The following TENM1 variants were observed in gnomAD, a reference collection of about 807,000 sequenced individuals.
TENM1 encodes the protein teneurin transmembrane protein 1.
In TENM1, 35 loss-of-function variants were observed where a neutral mutation model predicts 174.8. That is an observed-to-expected ratio of 0.20 (90% CI 0.15 to 0.27). The LOEUF (loss-of-function observed/expected upper bound fraction) is 0.27. Ranked by LOEUF, TENM1 falls within the 10% of genes least tolerant of loss-of-function variation. The probability of loss-of-function intolerance (pLI) is 1.00; values close to 1 mark genes in which losing one functional copy is unlikely to be tolerated. For synonymous variants in TENM1, 781 were observed against 798.7 expected (o/e 0.98, Z 0.37); for missense variants, 1,633 against 2,130.1 (o/e 0.77, Z 4.59).
chrX:124,607,287 T>C (rs1305544774), intron 11 of TENM1, among the ~76,000 whole-genome samples: 3 of 110,861 alleles, frequency 2.7e-5, no homozygotes, highest in African/African-American at 9.8e-5. Flanking sequence ...GTGGTAATAA[T>C]GGCTCTGAAG....
At chrX:124,794,932 A>T (rs57540029) in intron 3 of TENM1, among the ~76,000 whole-genome samples, 1,390 of 111,023 alleles carry the variant, frequency 0.013, 31 homozygotes, top group African/African-American at 0.043. Context: ...CTCACCATCC[A>T]TTGAATGATT....
intron 22 of TENM1, among the ~76,000 whole-genome samples, chrX:124,456,862 C>T (rs1277061032): frequency 3.6e-5 from 4 of 111,756 alleles, no homozygotes; most frequent in Non-Finnish European, 5.6e-5. Context: ...TTTGTTCCAA[C>T]GGTCATGTTC....
At chrX:124,751,738 G>A (rs1381961962) in intron 3 of TENM1, among the ~76,000 whole-genome samples, 3 of 100,125 alleles carry the variant, frequency 3.0e-5, no homozygotes, top group South Asian at 5.0e-4. Context: ...GAGAACATGC[G>A]GTGTTTGGTT....
At chrX:124,840,152 C>T (rs1206426220) in intron 3 of TENM1, among the ~76,000 whole-genome samples, 4 of 111,389 alleles carry the variant, frequency 3.6e-5, no homozygotes, top group Admixed American at 2.9e-4. Context: ...AGATGCCCAC[C>T]ATTAGATAAA....
In TENM1 at chrX:124,747,363, GA is replaced by G. The variant is rs763264537; in HGVS notation, c.536-10167del. Among the ~76,000 whole-genome samples, 10 of 102,982 alleles carry G rather than the reference GA, an allele frequency of 9.7e-5. No individual in the cohort carries two copies. The South Asian group carries it at 4.6e-3, about 47-fold the overall frequency. The allele number at this position is 102,982 out of a possible 115,157, so 89.4% of individuals were successfully genotyped here. Reference sequence around the variant, plus strand: ...AGAGAGTCAGCTTGCATAAACAGAAGAAAAAAATGAGAACACATGTTAATGA... The same window carrying G: ...AGAGAGTCAGCTTGCATAAACAGAAGAAAAAATGAGAACACATGTTAATGA... On this transcript the variant is annotated intron_variant, in intron 3 of 31. Coordinates refer to ENST00000422452, the Ensembl canonical transcript of TENM1.
At chrX:124,930,530 A>G (rs897597337) in intron 1 of TENM1, among the ~76,000 whole-genome samples, 1 of 111,603 alleles carries the variant, frequency 9.0e-6, no homozygotes, top group African/African-American at 3.3e-5. Context: ...TACATCTGAC[A>G]TCTTCAACAT....
At chrX:124,802,505 T>C (rs945927626) in intron 3 of TENM1, among the ~76,000 whole-genome samples, 1 of 111,189 alleles carries the variant, frequency 9.0e-6, no homozygotes, top group African/African-American at 3.3e-5. Context: ...TCTCTGACCT[T>C]GGGGGGCACC....
chrX:124,752,710 T>C (rs1004607507), intron 3 of TENM1, among the ~76,000 whole-genome samples: 1 of 111,652 alleles, frequency 9.0e-6, no homozygotes, highest in African/African-American at 3.3e-5. Flanking sequence ...TTTCTACATA[T>C]GGCTAGCCAG....
At chrX:124,704,931 A>G in intron 5 of TENM1, 82 bp downstream of exon 8, 1 of 737,544 alleles carries the variant, frequency 1.4e-6, no homozygotes, top group Non-Finnish European at 2.0e-6. Flanking sequence ...GCCAGAATCG[A>G]GAGAAAAACC....
intron 1 of TENM1, among the ~76,000 whole-genome samples, chrX:124,917,372 G>C (rs1019631136): frequency 1.8e-5 from 2 of 111,735 alleles, no homozygotes; most frequent in Non-Finnish European, 3.8e-5. Context: ...ACCATTCACT[G>C]TCGGAGTTCT....
At chrX:124,820,095 T>C (rs968327611) in intron 3 of TENM1, among the ~76,000 whole-genome samples, 1 of 111,167 alleles carries the variant, frequency 9.0e-6, no homozygotes, top group African/African-American at 3.3e-5. Context: ...CGCCTGGCTC[T>C]GTTCCCTTTT....
intron 1 of TENM1, among the ~76,000 whole-genome samples, chrX:124,936,362 G>A (rs1034311705): frequency 1.3e-4 from 14 of 111,296 alleles, no homozygotes; most frequent in African/African-American, 3.9e-4. Context: ...CACATGCTCC[G>A]CTCTTCCTTA....
At chrX:124,843,670 T>C (rs911024429) in intron 3 of TENM1, among the ~76,000 whole-genome samples, 4 of 111,534 alleles carry the variant, frequency 3.6e-5, no homozygotes, top group African/African-American at 1.3e-4. Flanking sequence ...AAATGCAGAG[T>C]TTTAGCACCT....
intron 3 of TENM1, among the ~76,000 whole-genome samples, chrX:124,786,760 G>A (rs950589245): frequency 9.0e-6 from 1 of 111,297 alleles, no homozygotes; most frequent in Non-Finnish European, 1.9e-5. Context: ...CTGAGCAACT[G>A]TTTATATGGA....
At chrX:125,187,911 T>A in the TENM1 span, among the ~76,000 whole-genome samples, 3 of 111,793 alleles carry the variant, frequency 2.7e-5, no homozygotes, top group Admixed American at 9.5e-5. Context: ...GATATAGATG[T>A]ATGTAAATTA....
At chrX:124,832,088 C>A (rs753425678) in intron 3 of TENM1, among the ~76,000 whole-genome samples, 1 of 111,725 alleles carries the variant, frequency 9.0e-6, no homozygotes, top group African/African-American at 3.3e-5. Context: ...CCTCGAGATA[C>A]AAGAAGTGGG....
At chrX:124,879,280 A>G (rs1355591689) in intron 3 of TENM1, among the ~76,000 whole-genome samples, 2 of 111,718 alleles carry the variant, frequency 1.8e-5, no homozygotes, top group Non-Finnish European at 3.8e-5. Flanking sequence ...ATCTTTCCCC[A>G]TATCTCCTTC....
chrX:124,691,726 T>C (rs2052528463), intron 5 of TENM1, among the ~76,000 whole-genome samples: 2 of 111,963 alleles, frequency 1.8e-5, no homozygotes, highest in Non-Finnish European at 3.8e-5. Flanking sequence ...ATTTTATTTA[T>C]CTTTCTATTA....
chrX:125,022,003 G>C, the TENM1 span, among the ~76,000 whole-genome samples: 2 of 112,060 alleles, frequency 1.8e-5, no homozygotes, highest in African/African-American at 6.5e-5. Flanking sequence ...AGTTGAAGAA[G>C]TTTTATCAAG....
Sources: allele counts gnomAD v4.1 joint callset (sites outside exome capture counted in the v4.1 genomes callset), GRCh38; gene constraint gnomAD v4.1.1; transcripts MANE v1.5; gene names NCBI Gene and HGNC (gene_info 2026-07-23, HGNC 2026-07-21).